The following FRY variants were observed in gnomAD, a reference collection of about 807,000 sequenced individuals.
FRY encodes FRY microtubule binding protein, also known as protein furry homolog.
In FRY, 128 loss-of-function variants were observed where a neutral mutation model predicts 348.4. That is an observed-to-expected ratio of 0.37 (90% confidence interval 0.32 to 0.43). The LOEUF (loss-of-function observed/expected upper bound fraction) is 0.43. Among genes scored for constraint, FRY ranks in the 20% least tolerant of loss-of-function variants. The pLI is 1.00. For synonymous variants in FRY, 1,370 were observed against 1,374.7 expected (o/e 1.00, Z 0.08); for missense variants, 2,736 against 3,695.2 (o/e 0.74, Z 6.73).
intron 58 of FRY, among the ~76,000 whole-genome samples, chr13:32,284,509 T>G (rs1888956941): frequency 6.6e-6 from 1 of 152,226 alleles, no homozygotes; most frequent in Non-Finnish European, 1.5e-5. Context: ...GAAGATAGCT[T>G]ACAGATTTCT....
chr13:32,173,324 G>T (rs1384355751), intron 18 of FRY, 43 bp from the exon 19 acceptor site: 2 of 1,474,366 alleles, frequency 1.4e-6, no homozygotes, highest in African/African-American at 1.4e-5. Context: ...TTCTTCCTTT[G>T]TTATTTCGCT....
intron 16 of FRY, among the ~76,000 whole-genome samples, chr13:32,157,916 G>GT (rs1445008894): frequency 6.6e-6 from 1 of 152,160 alleles, no homozygotes; most frequent in African/African-American, 2.4e-5. Context: ...TGCATTTGCT[G>GT]TTTTTGTTTA....
intron 19 of FRY, 30 bp downstream of exon 19, chr13:32,173,579 T>A: frequency 6.5e-7 from 1 of 1,527,784 alleles, no homozygotes. Context: ...ATTTTTCCAT[T>A]TCTTACTTTC....
At chr13:32,144,740 T>C (rs988666787) in intron 11 of FRY, among the ~76,000 whole-genome samples, 1 of 152,158 alleles carries the variant, frequency 6.6e-6, no homozygotes, top group Non-Finnish European at 1.5e-5. Flanking sequence ...CAAACATTCA[T>C]TGACCCCGTG....
chr13:32,197,539 C>T (rs1883746367), intron 29 of FRY, among the ~76,000 whole-genome samples: 2 of 152,186 alleles, frequency 1.3e-5, no homozygotes, highest in Non-Finnish European at 2.9e-5. Context: ...AATCAAGCAG[C>T]TGTGTGTTCT....
At chr13:32,201,096 C>G (rs954904857) in intron 29 of FRY, among the ~76,000 whole-genome samples, 3 of 152,244 alleles carry the variant, frequency 2.0e-5, no homozygotes, top group Non-Finnish European at 2.9e-5. Flanking sequence ...AACCCACCTA[C>G]TGGCCTAGCC....
At chr13:32,175,448 C>G in intron 19 of FRY, 98 bp from the exon 20 acceptor site, 1 of 805,480 alleles carries the variant, frequency 1.2e-6, no homozygotes, top group Non-Finnish European at 2.2e-6. Context: ...TTATCACTAT[C>G]TCACAAGCTG....
chr13:32,225,153 C>A, intron 38 of FRY, 117 bp downstream of exon 38: 1 of 724,668 alleles, frequency 1.4e-6, no homozygotes, highest in South Asian at 1.5e-5. Context: ...AATATTCTAT[C>A]TCCACCATTT....
intron 3 of FRY, among the ~76,000 whole-genome samples, chr13:32,103,960 C>T (rs1290865279): frequency 4.8e-5 from 7 of 146,422 alleles, no homozygotes; most frequent in African/African-American, 1.8e-4. Flanking sequence ...GACCGCATCT[C>T]GAAAAAAAAA....
intron 57 of FRY, 94 bp downstream of exon 57, chr13:32,276,656 A>G: frequency 1.3e-6 from 1 of 767,360 alleles, no homozygotes; most frequent in Non-Finnish European, 2.4e-6. Flanking sequence ...TTAACTTAAG[A>G]CTTTCAGACT....
At chr13:32,272,642 A>C (rs573130726) in intron 55 of FRY, among the ~76,000 whole-genome samples, 51 of 152,346 alleles carry the variant, frequency 3.3e-4, no homozygotes, top group African/African-American at 1.2e-3. Context: ...TGAGTGACAG[A>C]GCAAGACCCC....
intron 46 of FRY, among the ~76,000 whole-genome samples, chr13:32,242,859 G>A (rs187749290): frequency 2.0e-5 from 3 of 152,220 alleles, no homozygotes; most frequent in African/African-American, 7.2e-5. Context: ...TAACCACTCC[G>A]TAAATATTGT....
chr13:32,242,331 A>G (rs1381764654), intron 46 of FRY, among the ~76,000 whole-genome samples: 4 of 152,204 alleles, frequency 2.6e-5, no homozygotes, highest in Non-Finnish European at 5.9e-5. Context: ...GTCTTCATAA[A>G]GATCCCCCCA....
chr13:32,127,693 C>T (rs1257655161), intron 7 of FRY, among the ~76,000 whole-genome samples: 3 of 151,986 alleles, frequency 2.0e-5, no homozygotes, highest in African/African-American at 4.8e-5. Context: ...GCAGGAGAAT[C>T]GCTTGAACCC....
At chr13:32,195,960 GTTGCC>G (rs1251628174) in intron 29 of FRY, among the ~76,000 whole-genome samples, 2 of 152,164 alleles carry the variant, frequency 1.3e-5, no homozygotes, top group Non-Finnish European at 2.9e-5. Context: ...AATTTCAGCT[GTTGCC>G]TAAATTTGCT....
chr13:32,038,390 CCT>C (rs1284520407), intron 1 of FRY: 2 of 152,152 alleles, frequency 1.3e-5, no homozygotes, highest in Non-Finnish European at 2.9e-5. Flanking sequence ...TTCTCTTAGT[CCT>C]CTTTTTTAAA....
chr13:32,045,617 G>A (rs1221250166), intron 1 of FRY, among the ~76,000 whole-genome samples: 1 of 152,174 alleles, frequency 6.6e-6, no homozygotes, highest in Non-Finnish European at 1.5e-5. Flanking sequence ...TTTCATTGGC[G>A]ATGTATATGC....
At chr13:32,032,456 A>T (rs1402568654) in intron 1 of FRY, among the ~76,000 whole-genome samples, 1 of 152,176 alleles carries the variant, frequency 6.6e-6, no homozygotes, top group African/African-American at 2.4e-5. Context: ...AATGCCATTT[A>T]ATATTTGAAT....
chr13:32,081,622 G>C (rs1037292594), intron 2 of FRY, among the ~76,000 whole-genome samples: 5 of 152,148 alleles, frequency 3.3e-5, no homozygotes, highest in Non-Finnish European at 7.3e-5. Context: ...ACTACCTCTG[G>C]CCTTTTTATT....
Sources: allele counts gnomAD v4.1 joint callset (sites outside exome capture counted in the v4.1 genomes callset), GRCh38; gene constraint gnomAD v4.1.1; transcripts MANE v1.5; gene names NCBI Gene and HGNC (gene_info 2026-07-23, HGNC 2026-07-21).